Variants in SPATS2 observed in about 807,000 individuals in gnomAD.
The protein encoded by SPATS2 is spermatogenesis-associated serine-rich protein 2.
Under a neutral mutation model 63.7 loss-of-function variants are expected in SPATS2, and 38 were observed. The observed-to-expected ratio is 0.60, with a 90% confidence interval of 0.46 to 0.78. The LOEUF (loss-of-function observed/expected upper bound fraction) is 0.78, where lower values mean the gene tolerates loss of function less well. Ranked by LOEUF, SPATS2 falls within the 30% of genes least tolerant of loss-of-function variation. SPATS2 has a pLI of 0.00. For missense variants in SPATS2, 588 were observed against 666.2 expected (o/e 0.88, Z 1.29); for synonymous variants, 207 against 232.9 (o/e 0.89, Z 1.01).
intron 2 of SPATS2, among the ~76,000 whole-genome samples, chr12:49,391,251 C>T (rs1461970056): frequency 4.6e-5 from 7 of 152,170 alleles, no homozygotes; most frequent in Admixed American, 2.6e-4. Context: ...CGGTGGCTCA[C>T]GCCTGTAATC....
chr12:49,462,294 C>G (rs1419869529), intron 3 of SPATS2: 3 of 702,216 alleles, frequency 4.3e-6, no homozygotes, highest in African/African-American at 3.5e-5. Context: ...CGCGAGTGAA[C>G]AAGGAAGGAA....
chr12:49,462,526 C>T, intron 3 of SPATS2: 1 of 688,124 alleles, frequency 1.5e-6, no homozygotes, highest in Non-Finnish European at 2.6e-6. Context: ...TGCCCTCTGC[C>T]AGCAAGGGCA....
At chr12:49,481,883 G>A (rs1438789895) in intron 3 of SPATS2, among the ~76,000 whole-genome samples, 2 of 151,906 alleles carry the variant, frequency 1.3e-5, no homozygotes, top group African/African-American at 4.8e-5. Flanking sequence ...TAGAATACAT[G>A]CTCTCTTATC....
At chr12:49,403,602 C>T (rs1434179416) in intron 2 of SPATS2, among the ~76,000 whole-genome samples, 1 of 129,506 alleles carries the variant, frequency 7.7e-6, no homozygotes, top group Non-Finnish European at 1.6e-5. Context: ...TCTACACACA[C>T]ACACACACAC....
At chr12:49,481,458 A>ATT (rs1013711085) in intron 3 of SPATS2, among the ~76,000 whole-genome samples, 1,267 of 97,842 alleles carry the variant, frequency 0.013, 95 homozygotes, top group African/African-American at 0.06. Context: ...AGGCTTCCTC[A>ATT]TTTTTTTTTT....
intron 3 of SPATS2, among the ~76,000 whole-genome samples, chr12:49,472,628 T>TATAA (rs1263548887): frequency 3.4e-5 from 5 of 147,272 alleles, no homozygotes; most frequent in Non-Finnish European, 4.5e-5. Flanking sequence ...TATATATATA[T>TATAA]AAAATATTAT....
At chr12:49,424,762 C>T (rs1392366568) in intron 2 of SPATS2, among the ~76,000 whole-genome samples, 5 of 152,114 alleles carry the variant, frequency 3.3e-5, no homozygotes, top group African/African-American at 9.7e-5. Flanking sequence ...CTGCAACCTC[C>T]GCCCCCCACC....
Position 49,489,451 on chromosome 12 carries a change from G to A in SPATS2, c.106-14G>A. ...ACTAATGTTAGAATTAAATGACCCTGTCATCTTTTCCAGATAAATGCGGTA... is the reference window on the plus strand; with the variant it reads ...ACTAATGTTAGAATTAAATGACCCTATCATCTTTTCCAGATAAATGCGGTA... On this transcript the variant is annotated splice_polypyrimidine_tract_variant and intron_variant, in intron 4 of 13. Transcript: ENST00000552918. 5.0e-6 allele frequency: 8 copies of A among 1,609,896 alleles called. No individual in the cohort carries two copies. Among genetic ancestry groups the A allele is most frequent in the Non-Finnish European group, 5.9e-6 (7 of 1,176,804 alleles).
chr12:49,448,165 T>C (rs1433360528), intron 2 of SPATS2, among the ~76,000 whole-genome samples: 1 of 148,716 alleles, frequency 6.7e-6, no homozygotes, highest in Non-Finnish European at 1.5e-5. Flanking sequence ...TTAGACCGAG[T>C]CTCACTGTTC....
At chr12:49,519,294 C>A in intron 11 of SPATS2, 112 bp downstream of exon 11, 1 of 791,518 alleles carries the variant, frequency 1.3e-6, no homozygotes, top group South Asian at 2.1e-5. Context: ...CTTCCTTTCC[C>A]AAACCTGGCC....
chr12:49,375,470 T>C (rs943543139), intron 2 of SPATS2, among the ~76,000 whole-genome samples: 1 of 152,240 alleles, frequency 6.6e-6, no homozygotes, highest in African/African-American at 2.4e-5. Context: ...CATTATCCAC[T>C]TGGTCTCTGA....
intron 3 of SPATS2, among the ~76,000 whole-genome samples, chr12:49,481,896 A>G (rs1946212780): frequency 6.6e-6 from 1 of 152,176 alleles, no homozygotes; most frequent in South Asian, 2.1e-4. Flanking sequence ...CTCTTATCAC[A>G]GCTAAATATT....
At chr12:49,408,593 C>T (rs1165296600) in intron 2 of SPATS2, among the ~76,000 whole-genome samples, 9 of 114,548 alleles carry the variant, frequency 7.9e-5, no homozygotes, top group Non-Finnish European at 1.6e-4. Context: ...TCTTGCTCTG[C>T]CGCCCAGGCT....
chr12:49,401,771 C>CA (rs1452611904), intron 2 of SPATS2, among the ~76,000 whole-genome samples: 2 of 152,140 alleles, frequency 1.3e-5, no homozygotes, highest in Non-Finnish European at 2.9e-5. Context: ...GATCTCAGCT[C>CA]ACTGCAACCT....
chr12:49,438,780 CAGG>C (rs1209486572), intron 2 of SPATS2, among the ~76,000 whole-genome samples: 2 of 152,134 alleles, frequency 1.3e-5, no homozygotes, highest in Non-Finnish European at 2.9e-5. Context: ...CCCTCATGAT[CAGG>C]AGTACTCTTC....
At chr12:49,513,708 A>G (rs1946790773) in intron 9 of SPATS2, among the ~76,000 whole-genome samples, 1 of 152,200 alleles carries the variant, frequency 6.6e-6, no homozygotes, top group African/African-American at 2.4e-5. Flanking sequence ...AAGTACTAAA[A>G]TGTAAGTGGA....
chr12:49,376,127 A>C (rs1345921193), intron 2 of SPATS2, among the ~76,000 whole-genome samples: 1 of 80,522 alleles, frequency 1.2e-5, no homozygotes, highest in African/African-American at 5.1e-5. Flanking sequence ...TTTAAGATGG[A>C]GTTTCACTCT....
At chr12:49,500,795 G>A (rs1946553976) in intron 9 of SPATS2, among the ~76,000 whole-genome samples, 1 of 151,552 alleles carries the variant, frequency 6.6e-6, no homozygotes, top group African/African-American at 2.4e-5. Context: ...AAAAAAAAAA[G>A]TCTCCTTTTA....
At chr12:49,485,114 T>A (rs61941165) in intron 4 of SPATS2, among the ~76,000 whole-genome samples, 1 of 150,818 alleles carries the variant, frequency 6.6e-6, no homozygotes, top group Admixed American at 6.6e-5. Context: ...TCACCCAGGC[T>A]GGAGTGCAGT....
Sources: allele counts gnomAD v4.1 joint callset (sites outside exome capture counted in the v4.1 genomes callset), GRCh38; gene constraint gnomAD v4.1.1; transcripts MANE v1.5; gene names NCBI Gene and HGNC (gene_info 2026-07-23, HGNC 2026-07-21).